ZBTB46: variants seen among roughly 807,000 people sequenced by gnomAD.
ZBTB46 encodes zinc finger and BTB domain containing 46.
Under a neutral mutation model 44.1 loss-of-function variants are expected in ZBTB46, and 8 were observed. That is an observed-to-expected ratio of 0.18 (90% CI 0.11 to 0.33). ZBTB46 has a LOEUF of 0.33. Among genes scored for constraint, ZBTB46 ranks in the 10% least tolerant of loss-of-function variants. The probability of loss-of-function intolerance (pLI) is 1.00; values close to 1 mark genes in which losing one functional copy is unlikely to be tolerated. For synonymous variants in ZBTB46, 409 were observed against 382.3 expected (o/e 1.07, Z -0.81); for missense variants, 651 against 847.7 (o/e 0.77, Z 2.88).
At chr20:63,831,298 C>CCGCCCG (rs1175542472), upstream of ZBTB46, 1 of 111,192 alleles carries the variant, frequency 9.0e-6, no homozygotes, top group East Asian at 3.4e-4. Context: ...GCGGCCCCCG[C>CCGCCCG]CGCCCGCGCG....
At chr20:63,817,936 C>G (rs910691917) in intron 1 of ZBTB46, among the ~76,000 whole-genome samples, 11 of 152,270 alleles carry the variant, frequency 7.2e-5, no homozygotes, top group African/African-American at 2.6e-4. Context: ...TGGGTGTCAG[C>G]CTCCAGCCCT....
chr20:63,831,860 C>T (rs2146124156), upstream of ZBTB46, among the ~76,000 whole-genome samples: 1 of 151,920 alleles, frequency 6.6e-6, no homozygotes, highest in South Asian at 2.1e-4. Flanking sequence ...GGCATCAACG[C>T]GGGCCGCTCG....
At chr20:63,814,707 T>C (rs1203797401) in intron 1 of ZBTB46, among the ~76,000 whole-genome samples, 3 of 152,202 alleles carry the variant, frequency 2.0e-5, no homozygotes, top group Non-Finnish European at 4.4e-5. Flanking sequence ...CATCGCACCA[T>C]GGCCACCGCA....
chr20:63,756,869 AC>A (rs1262106374), intron 3 of ZBTB46, among the ~76,000 whole-genome samples: 2 of 152,306 alleles, frequency 1.3e-5, no homozygotes, highest in Admixed American at 6.5e-5. Context: ...ACTCCATGAC[AC>A]CACTAAGCCA....
intron 1 of ZBTB46, 121 bp from the exon 2 acceptor site, chr20:63,790,911 G>A (rs2092556002): frequency 2.2e-6 from 3 of 1,359,534 alleles, no homozygotes; most frequent in Non-Finnish European, 1.9e-6. Context: ...GACGACCCAC[G>A]CGAGAGCCCA....
At chr20:63,814,461 C>T (rs1601528865) in intron 1 of ZBTB46, among the ~76,000 whole-genome samples, 1 of 152,136 alleles carries the variant, frequency 6.6e-6, no homozygotes, top group East Asian at 1.9e-4. Context: ...GGAAAATATA[C>T]AATCCAGCGG....
At chr20:63,831,538 G>C (rs1273108768), upstream of ZBTB46, among the ~76,000 whole-genome samples, 1 of 148,310 alleles carries the variant, frequency 6.7e-6, no homozygotes, top group African/African-American at 2.4e-5. Context: ...GGAAGTGCGG[G>C]CTGGAGCTCG....
intron 3 of ZBTB46, among the ~76,000 whole-genome samples, chr20:63,755,310 G>A (rs2092209967): frequency 6.6e-6 from 1 of 152,268 alleles, no homozygotes; most frequent in South Asian, 2.1e-4. Context: ...CCAAAGGTCA[G>A]AGATCAAGGC....
At chr20:63,811,216 C>T (rs2092716120) in intron 1 of ZBTB46, among the ~76,000 whole-genome samples, 1 of 151,714 alleles carries the variant, frequency 6.6e-6, no homozygotes, top group Non-Finnish European at 1.5e-5. Context: ...GAGTCTGGGT[C>T]CCAGAACCCC....
intron 1 of ZBTB46, among the ~76,000 whole-genome samples, chr20:63,820,922 C>T (rs1325468414): frequency 1.3e-5 from 2 of 148,902 alleles, no homozygotes; most frequent in South Asian, 2.1e-4. Flanking sequence ...GATGGAGTTT[C>T]GCTCTTGTTG....
chr20:63,782,798 G>A (rs1213839725), intron 2 of ZBTB46, among the ~76,000 whole-genome samples: 4 of 152,170 alleles, frequency 2.6e-5, no homozygotes, highest in African/African-American at 7.2e-5. Context: ...ACACCCTGCC[G>A]AGTGGCTGCG....
At chr20:63,765,572 G>A (rs7271043) in intron 3 of ZBTB46, among the ~76,000 whole-genome samples, 46,221 of 152,194 alleles carry the variant, frequency 0.3, 7,634 homozygotes, top group Admixed American at 0.38. Context: ...GGGACCACAC[G>A]TGCACAGCAC....
At position 63,815,813 on chromosome 20, in the gene ZBTB46, TAGGTGCAGTGAGTGCAGGTGAGCAC is replaced by T. The variant is rs1417680459; in HGVS notation, c.-34+15259_-34+15283del. Among the ~76,000 whole-genome samples the T allele has an allele frequency of 8.9e-3, 1,070 of 120,360 alleles. 18 individuals are homozygous for T. Among genetic ancestry groups the T allele is most frequent in the African/African-American group, 0.033 (1,018 of 30,474 alleles). 79.0% of individuals were successfully genotyped at this position (120,360 alleles called of 152,430 possible). A position where few individuals can be genotyped will look rare whatever the true frequency, so the allele number is the denominator to read the frequency against. On this transcript the variant is annotated intron_variant, in intron 1 of 4. Transcript: ENST00000245663. ...CAGGTGCAGTGGGTACAGATGGGCA[TAGGTGCAGTGAGTGCAGGTGAGCAC>T]AGGTGCAGTGAGTGCAGGTGCAGGT...
At chr20:63,757,202 C>T (rs1487508095) in intron 3 of ZBTB46, among the ~76,000 whole-genome samples, 3 of 152,326 alleles carry the variant, frequency 2.0e-5, no homozygotes, top group Admixed American at 1.3e-4. Flanking sequence ...CAACTCACTG[C>T]AACCTCCGCC....
intron 1 of ZBTB46, among the ~76,000 whole-genome samples, chr20:63,807,638 C>A (rs1426607610): frequency 6.6e-6 from 1 of 152,270 alleles, no homozygotes; most frequent in Non-Finnish European, 1.5e-5. Context: ...AGCCACCGCG[C>A]CCGGCCTTCA....
At chr20:63,779,231 T>TG (rs2092449201) in intron 2 of ZBTB46, among the ~76,000 whole-genome samples, 1 of 32,234 alleles carries the variant, frequency 3.1e-5, no homozygotes. Context: ...TTTATTTAAT[T>TG]AATTAATTAA....
At chr20:63,792,017 AG>A (rs2092565088) in intron 1 of ZBTB46, among the ~76,000 whole-genome samples, 2 of 152,094 alleles carry the variant, frequency 1.3e-5, no homozygotes, top group Admixed American at 1.3e-4. Flanking sequence ...GCATCGCACG[AG>A]CTCTGCCTCT....
intron 1 of ZBTB46, among the ~76,000 whole-genome samples, chr20:63,800,194 A>G (rs11908487): frequency 0.18 from 27,405 of 152,192 alleles, 3,008 homozygotes; most frequent in East Asian, 0.45. Flanking sequence ...TACAGGTCAC[A>G]TCCACGCCAC....
intron 3 of ZBTB46, among the ~76,000 whole-genome samples, chr20:63,770,772 G>A (rs1388843880): frequency 1.3e-5 from 2 of 152,172 alleles, no homozygotes; most frequent in African/African-American, 2.4e-5. Context: ...CCGGCACCCC[G>A]TACCGCAAAG....
Sources: allele counts gnomAD v4.1 joint callset (sites outside exome capture counted in the v4.1 genomes callset), GRCh38; gene constraint gnomAD v4.1.1; transcripts MANE v1.5; gene names NCBI Gene and HGNC (gene_info 2026-07-23, HGNC 2026-07-21).